DUSP16: variants seen among roughly 807,000 people sequenced by gnomAD.
DUSP16 encodes the protein dual specificity protein phosphatase 16.
In DUSP16, 21 loss-of-function variants were observed where a neutral mutation model predicts 58.3. The observed-to-expected ratio is 0.36, with a 90% confidence interval of 0.26 to 0.52. The LOEUF is 0.52. Among genes scored for constraint, DUSP16 ranks in the 20% least tolerant of loss-of-function variants. The pLI is 0.94. For synonymous variants in DUSP16, 320 were observed against 323.8 expected, an observed-to-expected ratio of 0.99 and a Z score of 0.12; for missense variants, 726 against 819.0, an observed-to-expected ratio of 0.89 and a Z score of 1.39.
At chr12:12,552,167 C>G (rs1450108731) in intron 1 of DUSP16, among the ~76,000 whole-genome samples, 1 of 151,996 alleles carries the variant, frequency 6.6e-6, no homozygotes, top group East Asian at 1.9e-4. Flanking sequence ...AAGAATCTGG[C>G]TGGGAGCGGT....
At chr12:12,527,402 A>T (rs1289159305) in intron 1 of DUSP16, among the ~76,000 whole-genome samples, 1 of 152,162 alleles carries the variant, frequency 6.6e-6, no homozygotes, top group Non-Finnish European at 1.5e-5. Flanking sequence ...GCTGTGGGTT[A>T]AGATAAACTT....
intron 1 of DUSP16, among the ~76,000 whole-genome samples, chr12:12,532,018 C>T (rs528210181): frequency 3.0e-4 from 46 of 151,354 alleles, no homozygotes; most frequent in African/African-American, 7.5e-4. Flanking sequence ...ATTAGCCGGG[C>T]GCGGTGGCGG....
chr12:12,487,136 A>G lies in DUSP16; in HGVS notation c.583T>C (p.Cys195Arg). The G allele has an allele frequency of 6.2e-7, 1 of 1,614,190 alleles. No individual in the cohort carries two copies. The highest frequency in any genetic ancestry group is 8.5e-7 in the Non-Finnish European group (1 of 1,180,012). ...IGYVLNASNT[C>R]PKPDFIPESH... ...TCGGGGATAAAGTCAGGCTTTGGAC[A>G]GGTATTGCTGGCATTTAACACATAA... The change falls in exon 5 of 7, where the codon TGT (cysteine) becomes CGT (arginine). Residue 195 changes from cysteine (C) to arginine (R), a missense_variant. By Grantham distance (180) the Cys-to-Arg change is radical (BLOSUM62 -3). Coordinates refer to ENST00000298573, the MANE Select transcript of DUSP16 (RefSeq NM_030640.3).
chr12:12,496,785 A>C (rs1943833788), intron 4 of DUSP16, among the ~76,000 whole-genome samples: 1 of 152,248 alleles, frequency 6.6e-6, no homozygotes, highest in Non-Finnish European at 1.5e-5. Context: ...TAGTACAATA[A>C]GCTGCTCCCA....
At position 12,476,227 on chromosome 12, in the gene DUSP16, T is replaced by C. The variant is rs950765517; in HGVS notation, c.*606A>G. 6.6e-6 allele frequency: 1 copy of C among 152,656 alleles called. No homozygotes were observed. The highest frequency in any genetic ancestry group is 1.5e-5 in the Non-Finnish European group (1 of 68,036). The allele number at this position is 152,656 out of a possible 1,614,324, so 9.5% of individuals were successfully genotyped here. A position where few individuals can be genotyped will look rare whatever the true frequency, so the allele number is the denominator to read the frequency against. On this transcript the variant is annotated 3_prime_UTR_variant, in exon 7 of 7. Coordinates refer to ENST00000298573, the MANE Select transcript of DUSP16 (RefSeq NM_030640.3). Reference sequence around the variant, plus strand: ...AGTGGTCAAAGCCCCGACTTTCCTGTCTGAGGTACTGGGTTTGCTCTAAGG... The same window carrying C: ...AGTGGTCAAAGCCCCGACTTTCCTGCCTGAGGTACTGGGTTTGCTCTAAGG...
chr12:12,480,169 T>C (rs1338604195), intron 6 of DUSP16, 54 bp downstream of exon 6: 1 of 1,596,138 alleles, frequency 6.3e-7, no homozygotes. Context: ...CATCATTCTT[T>C]ATGTTTCAGG....
In DUSP16 at chr12:12,486,543, C is replaced by T. The variant is rs73291606; in HGVS notation, c.691+485G>A. ...GAAAATTCTGTTAGATCAAACACTA[C>T]CTGAAATTATTGGCATGTGGACCCC... is the stretch of plus-strand genomic sequence containing the variant. On this transcript the variant is annotated intron_variant, in intron 5 of 6. Transcript: ENST00000298573. 2.8e-3 allele frequency among the ~76,000 whole-genome samples: 421 copies of T among 150,238 alleles called. 2 individuals are homozygous for T. Among genetic ancestry groups the T allele is most frequent in the African/African-American group, 9.8e-3 (400 of 40,936 alleles).
intron 3 of DUSP16, among the ~76,000 whole-genome samples, chr12:12,516,284 G>A (rs1342052263): frequency 1.3e-5 from 2 of 151,946 alleles, no homozygotes; most frequent in African/African-American, 4.8e-5. Flanking sequence ...GAAATAGAGG[G>A]GTGCACCACC....
rs1943393808 is a variant in DUSP16 at position 12,474,884 on chromosome 12, T to G, written c.*1949A>C. On this transcript the variant is annotated 3_prime_UTR_variant, in exon 7 of 7. Coordinates refer to ENST00000298573, the MANE Select transcript of DUSP16 (RefSeq NM_030640.3). ...TGTGTGAAACTTGAGAATGTCTGATTAAAGATTTCAATGTATATCTAAAAA... is the reference window on the plus strand; with the variant it reads ...TGTGTGAAACTTGAGAATGTCTGATGAAAGATTTCAATGTATATCTAAAAA... The G allele has an allele frequency of 6.6e-6, 1 of 152,216 alleles. No individual in the cohort carries two copies. Among genetic ancestry groups the G allele is most frequent in the Non-Finnish European group, 1.5e-5 (1 of 68,046 alleles). The allele number at this position is 152,216 out of a possible 1,614,324, so 9.4% of individuals were successfully genotyped here. A position where few individuals can be genotyped will look rare whatever the true frequency, so the allele number is the denominator to read the frequency against.
Position 12,519,842 on chromosome 12 carries a change from AATTC to A in DUSP16, c.367+16_367+19del. On this transcript the variant is annotated intron_variant, in intron 3 of 6. Transcript: ENST00000298573. ...GCTCAGCAAGATTCTGAGTCCTTTT[AATTC>A]CATCACGAGCCTTACCTGCAAGCAG... 6.2e-7 allele frequency: 1 copy of A among 1,613,720 alleles called. No homozygotes were observed. The highest frequency in any genetic ancestry group is 8.5e-7 in the Non-Finnish European group (1 of 1,179,712).
At chr12:12,526,190 A>G (rs4763837) in intron 1 of DUSP16, among the ~76,000 whole-genome samples, 19,839 of 152,250 alleles carry the variant, frequency 0.13, 1,390 homozygotes, top group Middle Eastern at 0.16. Flanking sequence ...CTCCTAAAGA[A>G]ATACCATTTC....
rs753103309 is a variant in DUSP16 at position 12,487,112 on chromosome 12, C to T, written c.607G>A (p.Glu203Lys). The T allele has an allele frequency of 3.0e-5, 48 of 1,613,968 alleles. No homozygotes were observed. The highest frequency in any genetic ancestry group is 3.4e-5 in the Non-Finnish European group (40 of 1,180,022). The change falls in exon 5 of 7, where the codon GAG becomes AAG. Residue 203 changes from glutamate to lysine, a missense_variant. By Grantham distance (56) the Glu-to-Lys change is moderately conservative. Coordinates refer to ENST00000298573, the MANE Select transcript of DUSP16 (RefSeq NM_030640.3). ...ACAGGCACACGCAGGAAATGAGACT[C>T]GGGGATAAAGTCAGGCTTTGGACAG... ...NTCPKPDFIPESHFLRVPVND... is the reference protein window; with the variant it reads ...NTCPKPDFIPKSHFLRVPVND...
chr12:12,533,594 C>T (rs1944423251), intron 1 of DUSP16, among the ~76,000 whole-genome samples: 1 of 152,218 alleles, frequency 6.6e-6, no homozygotes, highest in Admixed American at 6.5e-5. Flanking sequence ...ACAGAACACT[C>T]CACCACAGGC....
intron 5 of DUSP16, chr12:12,485,486 T>C (rs1196341554): frequency 6.6e-6 from 1 of 152,136 alleles, no homozygotes; most frequent in Non-Finnish European, 1.5e-5. Context: ...CAGGTGAAAA[T>C]TATAATATGG....
intron 5 of DUSP16, 112 bp downstream of exon 5, chr12:12,486,915 GA>G: frequency 7.7e-7 from 1 of 1,296,962 alleles, no homozygotes; most frequent in Non-Finnish European, 1.1e-6. Flanking sequence ...TCAGACTTTT[GA>G]AATCTCTGAA....
In DUSP16 at chr12:12,476,957, C is replaced by A; in HGVS notation, c.1874G>T (p.Arg625Leu). Reference protein sequence around the residue: ...EESPFEKQFKRRSCQMEFGES... With the variant: ...EESPFEKQFKLRSCQMEFGES... ...TCCAAATTCCATTTGGCAGCTTCTG[C>A]GTTTAAACTGCTTTTCAAAGGGGCT... Residue 625 changes from arginine (R) to leucine (L), a missense_variant, in exon 7 of 7, where the codon CGC becomes CTC. By Grantham distance (102) the Arg-to-Leu change is moderately radical. Coordinates refer to ENST00000298573, the MANE Select transcript of DUSP16 (RefSeq NM_030640.3). The A allele has an allele frequency of 6.2e-7, 1 of 1,614,190 alleles. No individual in the cohort carries two copies. The highest frequency in any genetic ancestry group is 1.1e-5 in the South Asian group (1 of 91,084).
In DUSP16 at chr12:12,476,750, A is replaced by G. The variant is rs1943445437; in HGVS notation, c.*83T>C. On this transcript the variant is annotated 3_prime_UTR_variant, in exon 7 of 7. Coordinates refer to ENST00000298573, the MANE Select transcript of DUSP16 (RefSeq NM_030640.3). The stretch of plus-strand genomic sequence containing the variant: ...TTTCCAAAAATATATATGTATGTAC[A>G]TATATATATTTCAGATTTACAGGGA... The G allele has an allele frequency of 1.6e-6, 2 of 1,283,566 alleles. No individual in the cohort carries two copies. The highest frequency in any genetic ancestry group is 2.1e-6 in the Non-Finnish European group (2 of 935,406). The allele number at this position is 1,283,566 out of a possible 1,614,324, so 79.5% of individuals were successfully genotyped here.
At chr12:12,490,276 T>C (rs1296311271) in intron 4 of DUSP16, among the ~76,000 whole-genome samples, 1 of 152,210 alleles carries the variant, frequency 6.6e-6, no homozygotes, top group Non-Finnish European at 1.5e-5. Flanking sequence ...TCAATGGCTT[T>C]ATTTATAAAA....
intron 3 of DUSP16, among the ~76,000 whole-genome samples, chr12:12,508,821 C>G (rs1050848076): frequency 1.3e-5 from 2 of 152,132 alleles, no homozygotes; most frequent in African/African-American, 4.8e-5. Flanking sequence ...ATGACATACA[C>G]AACAGTTATG....
Sources: allele counts gnomAD v4.1 joint callset (sites outside exome capture counted in the v4.1 genomes callset), GRCh38; gene constraint gnomAD v4.1.1; transcripts MANE v1.5; gene names NCBI Gene and HGNC (gene_info 2026-07-23, HGNC 2026-07-21).